NT5E: variants seen among roughly 807,000 people sequenced by gnomAD.
NT5E encodes the protein 5'-nucleotidase ecto, also known as 5'-nucleotidase.
In NT5E, 53 loss-of-function variants were observed where a neutral mutation model predicts 55.1. The ratio of observed to expected loss-of-function variants is 0.96; its 90% confidence interval spans 0.77 to 1.21. The LOEUF (loss-of-function observed/expected upper bound fraction) is 1.21, where lower values mean the gene tolerates loss of function less well. Ranked by LOEUF, NT5E falls within the 50% of genes most tolerant of loss-of-function variation. The probability of loss-of-function intolerance (pLI) is 0.00; values close to 1 mark genes in which losing one functional copy is unlikely to be tolerated. For missense variants in NT5E, 683 were observed against 724.3 expected (o/e 0.94, Z 0.65); for synonymous variants, 270 against 278.4 (o/e 0.97, Z 0.30).
chr6:85,473,382 CTTATT>C (rs1449259162), intron 3 of NT5E, among the ~76,000 whole-genome samples: 1 of 152,112 alleles, frequency 6.6e-6, no homozygotes, highest in Non-Finnish European at 1.5e-5. Flanking sequence ...GTTAGCTGTT[CTTATT>C]TTAGTTATGT....
chr6:85,486,150 TC>T (rs1582385766), intron 4 of NT5E, among the ~76,000 whole-genome samples: 1 of 151,682 alleles, frequency 6.6e-6, no homozygotes, highest in African/African-American at 2.4e-5. Context: ...ATGAAGTAAT[TC>T]TTTAACATAA....
At chr6:85,474,256 ATTGTT>A (rs774387042) in intron 3 of NT5E, among the ~76,000 whole-genome samples, 23 of 152,222 alleles carry the variant, frequency 1.5e-4, no homozygotes, top group Non-Finnish European at 2.2e-4. Flanking sequence ...GTTATACTGT[ATTGTT>A]TAGGGAGCAA....
chr6:85,454,505 T>A (rs1768951484), intron 1 of NT5E, among the ~76,000 whole-genome samples: 1 of 152,240 alleles, frequency 6.6e-6, no homozygotes, highest in Admixed American at 6.5e-5. Context: ...TTCTTTGGTA[T>A]TTTTTAAATT....
chr6:85,479,729 C>G (rs1335286879), intron 3 of NT5E, among the ~76,000 whole-genome samples: 6 of 152,128 alleles, frequency 3.9e-5, no homozygotes, highest in African/African-American at 1.4e-4. Context: ...CACGGGCATG[C>G]CAAGATGAAA....
chr6:85,490,605 G>A lies in NT5E; in HGVS notation c.1308G>A (p.Glu436=), dbSNP rs370536110. The change falls in exon 7 of 9, where the codon GAG becomes GAA. Residue 436 remains glutamate, a synonymous_variant. Transcript: ENST00000257770. ...LKGSTLKKAF[E]HSVHRYGQST... ...GTTCCACCCTGAAGAAGGCCTTTGAGCATAGCGTGCACCGCTACGGCCAGT... is the reference window on the plus strand; with the variant it reads ...GTTCCACCCTGAAGAAGGCCTTTGAACATAGCGTGCACCGCTACGGCCAGT... The A allele has an allele frequency of 6.8e-5, 110 of 1,614,190 alleles. 3 individuals carry two copies. In the South Asian group the frequency reaches 7.4e-4, roughly 11 times the overall value.
intron 3 of NT5E, among the ~76,000 whole-genome samples, chr6:85,482,056 T>G (rs1769561220): frequency 1.3e-5 from 2 of 152,238 alleles, no homozygotes; most frequent in Non-Finnish European, 2.9e-5. Context: ...TCAAATCCCT[T>G]AGAAGCAATC....
chr6:85,479,858 A>T (rs1002723234), intron 3 of NT5E, among the ~76,000 whole-genome samples: 2 of 152,178 alleles, frequency 1.3e-5, no homozygotes, highest in Non-Finnish European at 2.9e-5. Flanking sequence ...ATTTTTAAAC[A>T]TTGCTTTATA....
At chr6:85,453,299 G>A (rs1768925792) in intron 1 of NT5E, among the ~76,000 whole-genome samples, 1 of 152,164 alleles carries the variant, frequency 6.6e-6, no homozygotes, top group African/African-American at 2.4e-5. Context: ...CCCCCATCTT[G>A]CAGAGGTTTT....
intron 1 of NT5E, among the ~76,000 whole-genome samples, chr6:85,466,552 G>C (rs888296989): frequency 2.0e-5 from 3 of 152,204 alleles, no homozygotes; most frequent in African/African-American, 7.2e-5. Flanking sequence ...TGCTTGGGAA[G>C]AAGCAATTGT....
chr6:85,488,499 G>A (rs934021095), intron 5 of NT5E, among the ~76,000 whole-genome samples: 1 of 152,208 alleles, frequency 6.6e-6, no homozygotes, highest in Non-Finnish European at 1.5e-5. Context: ...AACCCAGGCT[G>A]TTGGCAGTGC....
chr6:85,485,142 A>G, intron 3 of NT5E, 93 bp from the exon 4 acceptor site: 1 of 1,207,642 alleles, frequency 8.3e-7, no homozygotes, highest in Non-Finnish European at 1.2e-6. Flanking sequence ...TCATCAATTT[A>G]AAACTCTGTC....
chr6:85,471,590 A>C (rs1241175171), intron 3 of NT5E, 165 bp downstream of exon 3: 1 of 351,892 alleles, frequency 2.8e-6, no homozygotes, highest in East Asian at 4.7e-5. Flanking sequence ...ACATGTGCAA[A>C]TCTTACAAAC....
intron 2 of NT5E, among the ~76,000 whole-genome samples, chr6:85,470,347 G>T (rs1769279748): frequency 6.6e-6 from 1 of 152,186 alleles, no homozygotes; most frequent in African/African-American, 2.4e-5. Flanking sequence ...GCAGTAATAA[G>T]CACCCAGGGA....
At chr6:85,463,713 A>AT (rs1769136953) in intron 1 of NT5E, among the ~76,000 whole-genome samples, 1 of 152,324 alleles carries the variant, frequency 6.6e-6, no homozygotes, top group Non-Finnish European at 1.5e-5. Flanking sequence ...CATTTACAAG[A>AT]TTTTTTGAGT....
At position 85,494,116 on chromosome 6, in the gene NT5E, T is replaced by C. The variant is rs1359148999; in HGVS notation, c.*112T>C. ...AGCAAAAACCATCTTTACAGGCTCC[T>C]AGAAGCTGAAGGTTAGAGCATTATA... is the stretch of plus-strand genomic sequence containing the variant. On this transcript the variant is annotated 3_prime_UTR_variant, in exon 9 of 9. Coordinates refer to ENST00000257770, the MANE Select transcript of NT5E (RefSeq NM_002526.4). The C allele has an allele frequency of 4.0e-6, 4 of 1,004,308 alleles. No homozygotes were observed. The highest frequency in any genetic ancestry group is 4.6e-6 in the Non-Finnish European group (3 of 652,742). 62.2% of individuals were successfully genotyped at this position (1,004,308 alleles called of 1,614,324 possible). A position where few individuals can be genotyped will look rare whatever the true frequency, so the allele number is the denominator to read the frequency against.
chr6:85,474,478 T>C (rs904466665), intron 3 of NT5E, among the ~76,000 whole-genome samples: 9 of 152,222 alleles, frequency 5.9e-5, no homozygotes, highest in African/African-American at 2.2e-4. Context: ...AGTTTGCTTA[T>C]CTGTAAATCC....
intron 3 of NT5E, among the ~76,000 whole-genome samples, chr6:85,472,793 T>C (rs149178349): frequency 8.1e-4 from 124 of 152,356 alleles, no homozygotes; most frequent in African/African-American, 2.9e-3. Flanking sequence ...GTGTGCTAAT[T>C]AAATTCCTTC....
chr6:85,466,211 C>T, intron 1 of NT5E, among the ~76,000 whole-genome samples: 1 of 152,146 alleles, frequency 6.6e-6, no homozygotes, highest in East Asian at 1.9e-4. Flanking sequence ...TGCAAAATGA[C>T]AGACAATGGG....
At chr6:85,467,813 T>C (rs1472834684) in intron 2 of NT5E, among the ~76,000 whole-genome samples, 1 of 151,876 alleles carries the variant, frequency 6.6e-6, no homozygotes, top group Non-Finnish European at 1.5e-5. Context: ...TATGGATATA[T>C]ATAAGTGTAT....
Sources: gnomAD v4.1 joint callset for allele counts (sites outside exome capture counted in the v4.1 genomes callset) on GRCh38, gnomAD v4.1.1 for gene constraint, MANE v1.5 for transcripts, NCBI Gene and HGNC (gene_info 2026-07-23, HGNC 2026-07-21) for gene names.